Variants in HS3ST4 observed in about 807,000 individuals in gnomAD.
HS3ST4 encodes the protein heparan sulfate-glucosamine 3-sulfotransferase 4.
HS3ST4 carries 17 observed loss-of-function variants against 29.2 expected under a neutral mutation model. That is an observed-to-expected ratio of 0.58 (90% CI 0.40 to 0.87). The LOEUF (loss-of-function observed/expected upper bound fraction) is 0.87. Among genes scored for constraint, HS3ST4 ranks in the 40% least tolerant of loss-of-function variants. The pLI is 0.00. For synonymous variants in HS3ST4, 314 were observed against 285.7 expected, an observed-to-expected ratio of 1.10 and a Z score of -1.00; for missense variants, 627 against 634.5, an observed-to-expected ratio of 0.99 and a Z score of 0.13.
intron 1 of HS3ST4, among the ~76,000 whole-genome samples, chr16:26,131,178 C>A (rs972255732): frequency 2.0e-5 from 3 of 152,118 alleles, no homozygotes; most frequent in Middle Eastern, 6.3e-3. Context: ...ACACCCAGGC[C>A]CCCCACCATT....
chr16:26,100,518 ATGAC>A (rs1171484809), intron 1 of HS3ST4, among the ~76,000 whole-genome samples: 1 of 152,022 alleles, frequency 6.6e-6, no homozygotes, highest in Non-Finnish European at 1.5e-5. Context: ...GCTTCTAATG[ATGAC>A]TGACTTAGTT....
intron 1 of HS3ST4, among the ~76,000 whole-genome samples, chr16:26,012,606 A>T (rs549718288): frequency 6.6e-6 from 1 of 152,202 alleles, no homozygotes; most frequent in Admixed American, 6.5e-5. Flanking sequence ...CTGAAGACAC[A>T]TGAGACAGTT....
intron 1 of HS3ST4, among the ~76,000 whole-genome samples, chr16:25,930,277 T>C (rs752690024): frequency 3.9e-5 from 6 of 152,234 alleles, no homozygotes; most frequent in Non-Finnish European, 7.3e-5. Flanking sequence ...TATAACTGTT[T>C]CTAGATAGTC....
chr16:26,021,502 C>T lies in HS3ST4; in HGVS notation c.735-114110C>T, dbSNP rs906236658. ...ATTACTGCATCCTATTATTTAGTTT[C>T]ACTGAAAAAGATAGGATGTGGTCAT... On this transcript the variant is annotated intron_variant, in intron 1 of 1. Coordinates refer to ENST00000331351, the MANE Select transcript of HS3ST4 (RefSeq NM_006040.3). 2.6e-5 allele frequency among the ~76,000 whole-genome samples: 4 copies of T among 152,214 alleles called. No homozygotes were observed. In the East Asian group the frequency reaches 5.8e-4, roughly 22 times the overall value.
At chr16:25,932,972 G>C (rs1191716739) in intron 1 of HS3ST4, among the ~76,000 whole-genome samples, 1 of 152,196 alleles carries the variant, frequency 6.6e-6, no homozygotes, top group Non-Finnish European at 1.5e-5. Context: ...TCCTTTAGCT[G>C]TCAATGATGG....
chr16:25,726,667 A>G (rs1376675347), intron 1 of HS3ST4, among the ~76,000 whole-genome samples: 3 of 152,158 alleles, frequency 2.0e-5, no homozygotes, highest in African/African-American at 7.2e-5. Flanking sequence ...TGAAAACCAT[A>G]TTCTTTGAGT....
chr16:25,860,391 A>C (rs1429120068), intron 1 of HS3ST4, among the ~76,000 whole-genome samples: 1 of 152,212 alleles, frequency 6.6e-6, no homozygotes, highest in African/African-American at 2.4e-5. Context: ...TTATGTCCAC[A>C]CAAAAACCTG....
chr16:25,983,229 A>T (rs1969026476), intron 1 of HS3ST4, among the ~76,000 whole-genome samples: 1 of 152,152 alleles, frequency 6.6e-6, no homozygotes, highest in Non-Finnish European at 1.5e-5. Context: ...ACCCACTTCT[A>T]TTCCAGATCT....
At chr16:25,794,938 C>CACACAT (rs1555466050) in intron 1 of HS3ST4, among the ~76,000 whole-genome samples, 2 of 132,568 alleles carry the variant, frequency 1.5e-5, no homozygotes, top group South Asian at 2.4e-4. Flanking sequence ...CACACACACA[C>CACACAT]ATATATATTC....
intron 1 of HS3ST4, among the ~76,000 whole-genome samples, chr16:25,941,926 A>T (rs1968576275): frequency 6.6e-6 from 1 of 152,208 alleles, no homozygotes; most frequent in Non-Finnish European, 1.5e-5. Flanking sequence ...CTGTGTGGGC[A>T]GGATCTTTGT....
chr16:26,040,896 G>C (rs1596659971), intron 1 of HS3ST4, among the ~76,000 whole-genome samples: 1 of 152,072 alleles, frequency 6.6e-6, no homozygotes, highest in South Asian at 2.1e-4. Context: ...GGTCACTATT[G>C]ATATCTCTGT....
intron 1 of HS3ST4, among the ~76,000 whole-genome samples, chr16:25,750,778 G>T (rs114808240): frequency 2.5e-3 from 377 of 152,202 alleles, no homozygotes; most frequent in African/African-American, 8.8e-3. Context: ...AGCCTCTTCT[G>T]TCTTCATCAT....
At chr16:25,872,566 C>T (rs1741296616) in intron 1 of HS3ST4, among the ~76,000 whole-genome samples, 1 of 151,488 alleles carries the variant, frequency 6.6e-6, no homozygotes. Context: ...GCCCATGTGT[C>T]TCTCAGTGTC....
chr16:26,107,135 A>C (rs1899067718), intron 1 of HS3ST4, among the ~76,000 whole-genome samples: 2 of 152,112 alleles, frequency 1.3e-5, no homozygotes, highest in Admixed American at 6.6e-5. Context: ...TTCTAGCATG[A>C]AAAGGGCTTG....
chr16:25,905,991 G>A (rs552834960), intron 1 of HS3ST4, among the ~76,000 whole-genome samples: 1 of 152,300 alleles, frequency 6.6e-6, no homozygotes. Context: ...CTTAACTTTA[G>A]CAGTGCAAAT....
At chr16:26,052,333 T>A (rs1898357649) in intron 1 of HS3ST4, among the ~76,000 whole-genome samples, 1 of 152,332 alleles carries the variant, frequency 6.6e-6, no homozygotes, top group Admixed American at 6.5e-5. Flanking sequence ...TCATTCTGAA[T>A]ACTCCAATGT....
At chr16:25,917,599 G>T (rs1297408880) in intron 1 of HS3ST4, among the ~76,000 whole-genome samples, 1 of 152,134 alleles carries the variant, frequency 6.6e-6, no homozygotes, top group Non-Finnish European at 1.5e-5. Context: ...TTTTTCTATT[G>T]TATGTGTGTT....
chr16:26,098,156 C>A (rs1311439293), intron 1 of HS3ST4, among the ~76,000 whole-genome samples: 2 of 152,154 alleles, frequency 1.3e-5, no homozygotes, highest in Non-Finnish European at 2.9e-5. Context: ...TTAGTTCAAC[C>A]ATTGTGAAAG....
chr16:26,089,509 A>T (rs1290686677), intron 1 of HS3ST4, among the ~76,000 whole-genome samples: 1 of 152,232 alleles, frequency 6.6e-6, no homozygotes, highest in Non-Finnish European at 1.5e-5. Flanking sequence ...TCTGAAGAGC[A>T]GATAGAAGGA....
Sources: allele counts gnomAD v4.1 joint callset (sites outside exome capture counted in the v4.1 genomes callset), GRCh38; gene constraint gnomAD v4.1.1; transcripts MANE v1.5; gene names NCBI Gene and HGNC (gene_info 2026-07-23, HGNC 2026-07-21).